The following ANK1 variants were observed in gnomAD, a reference collection of about 807,000 sequenced individuals.
The protein encoded by ANK1 is ankyrin 1.
In ANK1, 51 loss-of-function variants were observed where a neutral mutation model predicts 210.4. That is an observed-to-expected ratio of 0.24 (90% CI 0.19 to 0.31). The LOEUF (loss-of-function observed/expected upper bound fraction) is 0.31. Ranked by LOEUF, ANK1 falls within the 10% of genes least tolerant of loss-of-function variation. The pLI, the probability that ANK1 is intolerant of heterozygous loss-of-function variation, is 1.00. For missense variants in ANK1, 2,051 were observed against 2,504.4 expected (o/e 0.82, Z 3.86); for synonymous variants, 967 against 1,025.9 (o/e 0.94, Z 1.10).
intron 1 of ANK1, among the ~76,000 whole-genome samples, chr8:41,837,279 C>T (rs550619881): frequency 3.9e-5 from 6 of 152,298 alleles, no homozygotes; most frequent in South Asian, 2.1e-4. Flanking sequence ...AACTCAGTTC[C>T]GGGACAAAAG....
intron 1 of ANK1, among the ~76,000 whole-genome samples, chr8:41,879,126 C>G (rs1384236857): frequency 6.6e-6 from 1 of 151,990 alleles, no homozygotes; most frequent in Non-Finnish European, 1.5e-5. Flanking sequence ...TAAAATATAG[C>G]CCAGTGGAAG....
chr8:41,805,099 G>GTTTCTCTCTCTCATAGAGCTC (rs1850732058), intron 1 of ANK1, among the ~76,000 whole-genome samples: 1 of 151,396 alleles, frequency 6.6e-6, no homozygotes, highest in African/African-American at 2.4e-5. Flanking sequence ...GTGTGTGTGT[G>GTTTCTCTCTCTCATAGAGCTC]TTTCTCTCTC....
chr8:41,723,393 T>C, intron 8 of ANK1, 142 bp downstream of exon 8: 3 of 1,170,176 alleles, frequency 2.6e-6, no homozygotes, highest in Non-Finnish European at 3.8e-6. Context: ...CACGCGGCAC[T>C]GCCCAGAATA....
intron 36 of ANK1, among the ~76,000 whole-genome samples, chr8:41,685,626 C>A (rs1253979245): frequency 7.1e-6 from 1 of 141,838 alleles, no homozygotes; most frequent in Admixed American, 7.2e-5. Context: ...TCTAGGAGTC[C>A]TGATGCAATT....
intron 11 of ANK1, 69 bp downstream of exon 11, chr8:41,718,037 G>T: frequency 6.8e-7 from 1 of 1,464,678 alleles, no homozygotes; most frequent in South Asian, 1.2e-5. Flanking sequence ...TACAAAGAGC[G>T]ACTCTTGGAG....
At chr8:41,875,832 C>G (rs1312370945) in intron 1 of ANK1, among the ~76,000 whole-genome samples, 1 of 152,178 alleles carries the variant, frequency 6.6e-6, no homozygotes, top group East Asian at 1.9e-4. Context: ...TGTAGATGAT[C>G]TAGTGTTACA....
In ANK1 at chr8:41,655,568, C is replaced by G; in HGVS notation, c.*222G>C. On this transcript the variant is annotated 3_prime_UTR_variant, in exon 43 of 43. Transcript: ENST00000289734. ...GTCATTGCAAGAGGCAGGATTGAAGCCTGGAGGTCATGCGTCTACAGTCAG... is the reference window on the plus strand; with the variant it reads ...GTCATTGCAAGAGGCAGGATTGAAGGCTGGAGGTCATGCGTCTACAGTCAG... 3.7e-6 allele frequency: 3 copies of G among 819,676 alleles called. No homozygotes were observed. The highest frequency in any genetic ancestry group is 6.0e-6 in the Non-Finnish European group (3 of 501,424). 50.8% of individuals were successfully genotyped at this position (819,676 alleles called of 1,614,324 possible).
At chr8:41,885,645 C>T (rs1452452946) in intron 1 of ANK1, among the ~76,000 whole-genome samples, 1 of 152,216 alleles carries the variant, frequency 6.6e-6, no homozygotes, top group Non-Finnish European at 1.5e-5. Flanking sequence ...AAGGGCCTTC[C>T]CTGCCCACTG....
chr8:41,747,201 AG>A (rs1281571338), intron 2 of ANK1, among the ~76,000 whole-genome samples: 3 of 152,202 alleles, frequency 2.0e-5, no homozygotes, highest in Non-Finnish European at 4.4e-5. Context: ...ACGGACAGAA[AG>A]GGTTTACACC....
rs1031915290 is a variant in ANK1 at position 41,809,846 on chromosome 8, A to G, written c.127-51709T>C. 3.3e-5 allele frequency among the ~76,000 whole-genome samples: 5 copies of G among 152,342 alleles called. 1 individual carries two copies. The highest frequency in any genetic ancestry group is 1.9e-4 in the East Asian group (1 of 5,186). On this transcript the variant is annotated intron_variant, in intron 1 of 42. Coordinates refer to the ANK1 transcript ENST00000265709. ...CCCATGATCCTACAGCTAATTACTG[A>G]CTGAGGCTGGAATCCATTCTTCTGA...
At chr8:41,679,450 T>C (rs1436440851) in intron 37 of ANK1, among the ~76,000 whole-genome samples, 1 of 152,110 alleles carries the variant, frequency 6.6e-6, no homozygotes, top group East Asian at 1.9e-4. Flanking sequence ...AGCTGGCTAA[T>C]ACTCATCTGA....
At chr8:41,786,091 T>C (rs1846318238) in intron 1 of ANK1, among the ~76,000 whole-genome samples, 1 of 152,216 alleles carries the variant, frequency 6.6e-6, no homozygotes, top group Non-Finnish European at 1.5e-5. Flanking sequence ...AAGCATTGTA[T>C]CTTGTAGCAG....
chr8:41,853,533 G>C (rs1421667840), intron 1 of ANK1, among the ~76,000 whole-genome samples: 1 of 152,122 alleles, frequency 6.6e-6, no homozygotes, highest in African/African-American at 2.4e-5. Flanking sequence ...GCTGTAGGCT[G>C]TCTTGATGCA....
rs35112522 is a variant in ANK1, at chr8:41,887,242, C to CTT, written c.126+9111_126+9112dup. Among the ~76,000 whole-genome samples the CTT allele has an allele frequency of 2.0e-3, 162 of 80,692 alleles. 1 individual carries two copies. The highest frequency in any genetic ancestry group is 2.6e-3 in the Non-Finnish European group (116 of 45,204). The allele number at this position is 80,692 out of a possible 152,430, so 52.9% of individuals were successfully genotyped here. ...TTCCTTTCTTCTTTTCTTTCCTTTC[C>CTT]TTTTTTTTTTTTTTTTTTTTTTTAG... is the stretch of plus-strand genomic sequence containing the variant. On this transcript the variant is annotated intron_variant, in intron 1 of 42. Transcript: ENST00000265709.
At chr8:41,708,678 A>G in intron 17 of ANK1, 100 bp downstream of exon 17, 2 of 1,299,956 alleles carry the variant, frequency 1.5e-6, no homozygotes, top group Non-Finnish European at 2.2e-6. Flanking sequence ...ACACACACAC[A>G]CCCCTAACTC....
rs150058183 is a variant in ANK1, at chr8:41,812,616, CT to C, written c.127-54480del. 9.8e-3 allele frequency among the ~76,000 whole-genome samples: 1,497 copies of C among 152,302 alleles called. 35 individuals carry two copies. The highest frequency in any genetic ancestry group is 0.035 in the African/African-American group (1,436 of 41,568). On this transcript the variant is annotated intron_variant, in intron 1 of 42. Transcript: ENST00000265709. ...CAGCTTCTTAGAGCTACTCTTGTGT[CT>C]GCAGTTTCTTAGAATAACCAGCATG...
chr8:41,708,648 G>C (rs763285721), intron 17 of ANK1, 130 bp downstream of exon 17: 1 of 1,014,566 alleles, frequency 9.9e-7, no homozygotes, highest in Non-Finnish European at 1.5e-6. Context: ...TGAAATGTAC[G>C]CAGGGCTGTT....
chr8:41,895,251 G>C (rs1473332980), intron 1 of ANK1, among the ~76,000 whole-genome samples: 4 of 152,196 alleles, frequency 2.6e-5, no homozygotes, highest in Non-Finnish European at 5.9e-5. Flanking sequence ...AGCCTGAGGG[G>C]CCCCACTCCT....
chr8:41,683,805 C>A (rs891014157), intron 37 of ANK1, among the ~76,000 whole-genome samples: 3 of 152,048 alleles, frequency 2.0e-5, no homozygotes, highest in African/African-American at 7.2e-5. Context: ...AGGGGGCGGG[C>A]GAGGAAGGTG....
Sources: allele counts gnomAD v4.1 joint callset (sites outside exome capture counted in the v4.1 genomes callset), GRCh38; gene constraint gnomAD v4.1.1; transcripts MANE v1.5; gene names NCBI Gene and HGNC (gene_info 2026-07-23, HGNC 2026-07-21).